TECR: variants seen among roughly 807,000 people sequenced by gnomAD.
TECR encodes trans-2,3-enoyl-CoA reductase.
In TECR, 19 loss-of-function variants were observed where a neutral mutation model predicts 50.6. The ratio of observed to expected loss-of-function variants is 0.38; its 90% CI spans 0.26 to 0.55. The LOEUF (loss-of-function observed/expected upper bound fraction) is 0.55. TECR is among the 20% of genes least tolerant of loss of function. The pLI, the probability that TECR is intolerant of heterozygous loss-of-function variation, is 0.79. For synonymous variants in TECR, 168 were observed against 163.5 expected (o/e 1.03, Z -0.21); for missense variants, 313 against 408.3 (o/e 0.77, Z 2.01).
At chr19:14,548,284 A>G (rs2073373863) in intron 1 of TECR, among the ~76,000 whole-genome samples, 1 of 151,932 alleles carries the variant, frequency 6.6e-6, no homozygotes, top group African/African-American at 2.4e-5. Flanking sequence ...CAAACTTTAC[A>G]TGTCCAAAAT....
chr19:14,541,911 T>G (rs1366739316), intron 1 of TECR, among the ~76,000 whole-genome samples: 5 of 152,026 alleles, frequency 3.3e-5, no homozygotes, highest in Non-Finnish European at 7.3e-5. Context: ...GCCTCCCGAT[T>G]GGCTGGGATT....
rs557404496 is a variant in TECR at position 14,541,798 on chromosome 19, T to C, written c.15+12087T>C. ...ACTTCTTTTCATTTTTTTTTTTTTT[T>C]TGAGATGGAGTTTCACTCTTGTCAC... On this transcript the variant is annotated intron_variant, in intron 1 of 12. Coordinates refer to ENST00000215567, the MANE Select transcript of TECR (RefSeq NM_138501.6). Among the ~76,000 whole-genome samples, 83 of 151,980 alleles carry C rather than the reference T, an allele frequency of 5.5e-4. 1 individual carries two copies. The East Asian group carries it at 0.01, about 19-fold the overall frequency.
At chr19:14,546,740 C>T (rs545527339) in intron 1 of TECR, among the ~76,000 whole-genome samples, 51 of 151,990 alleles carry the variant, frequency 3.4e-4, no homozygotes, top group African/African-American at 3.4e-4. Flanking sequence ...GCTGGAGTGC[C>T]GTGTCGCGAT....
At chr19:14,529,299 AC>A, upstream of TECR, 1 of 387,074 alleles carries the variant, frequency 2.6e-6, no homozygotes, top group East Asian at 5.6e-5. Flanking sequence ...GTCTGGCCTA[AC>A]CGTCGCTTAC....
At chr19:14,531,657 G>A (rs1457682624) in intron 1 of TECR, 1 of 152,102 alleles carries the variant, frequency 6.6e-6, no homozygotes. Context: ...CCCGACCTCA[G>A]GTGATCCACC....
chr19:14,555,351 C>T (rs543549149), intron 1 of TECR, among the ~76,000 whole-genome samples: 2 of 150,016 alleles, frequency 1.3e-5, no homozygotes, highest in African/African-American at 2.4e-5. Flanking sequence ...TGGGTTCAAG[C>T]GATTCTCCTG....
At chr19:14,532,638 A>G (rs1044276968) in intron 1 of TECR, 4 of 151,962 alleles carry the variant, frequency 2.6e-5, no homozygotes, top group African/African-American at 9.7e-5. Context: ...CCAAGTACCC[A>G]TAGAGGCGAT....
chr19:14,529,728 AGG>A lies in TECR; in HGVS notation c.15+20_15+21del. 1 of 1,613,954 alleles carries A rather than the reference AGG, an allele frequency of 6.2e-7. No individual in the cohort carries two copies. Among genetic ancestry groups the A allele is most frequent in the Non-Finnish European group, 8.5e-7 (1 of 1,179,924 alleles). ...CATTACGAGGTAAGAAGCGAGAAAC[AGG>A]GGCCGTGTGGCCACTGCTGACCCAT... is the stretch of plus-strand genomic sequence containing the variant. On this transcript the variant is annotated intron_variant, in intron 1 of 12. Coordinates refer to ENST00000215567, the MANE Select transcript of TECR (RefSeq NM_138501.6).
At chr19:14,549,201 T>C (rs1483105302) in intron 1 of TECR, among the ~76,000 whole-genome samples, 3 of 150,278 alleles carry the variant, frequency 2.0e-5, no homozygotes, top group Non-Finnish European at 4.4e-5. Flanking sequence ...TTCCACAACC[T>C]TTAATTGGAC....
rs2074069999 is a variant in TECR at position 14,565,924 on chromosome 19, G to A, written c.*53G>A. 1 of 1,545,966 alleles carries A rather than the reference G, an allele frequency of 6.5e-7. No individual in the cohort carries two copies. The highest frequency in any genetic ancestry group is 1.2e-5 in the South Asian group (1 of 85,128). ...CTCAACCCGGTGGCATTCTGGGGGA[G>A]GAGTGGGGCCCACAGCTCTCCAGCA... On this transcript the variant is annotated 3_prime_UTR_variant, in exon 13 of 13. Transcript: ENST00000215567.
intron 1 of TECR, among the ~76,000 whole-genome samples, chr19:14,561,535 G>T (rs1485234677): frequency 6.6e-6 from 1 of 152,148 alleles, no homozygotes; most frequent in African/African-American, 2.4e-5. Context: ...CCTGGCTCTT[G>T]GACGCAGGAA....
intron 7 of TECR, 179 bp from the exon 8 acceptor site, chr19:14,564,607 G>T: frequency 5.8e-6 from 1 of 172,274 alleles, no homozygotes; most frequent in Admixed American, 5.9e-5. Flanking sequence ...TGTCCACCAC[G>T]CCCTCACAGA....
chr19:14,542,643 T>C (rs1176292994), intron 1 of TECR, among the ~76,000 whole-genome samples: 7 of 152,132 alleles, frequency 4.6e-5, no homozygotes, highest in Non-Finnish European at 8.8e-5. Context: ...ATTAGAGGCA[T>C]TGAGGCACTG....
chr19:14,535,525 AAAAAAAAAAAAAAAAAAAATATATATAT>A (rs2072836908), intron 1 of TECR, among the ~76,000 whole-genome samples: 4 of 60,330 alleles, frequency 6.6e-5, no homozygotes, highest in Non-Finnish European at 1.2e-4. Context: ...AAAAAAAAAA[AAAAAAAAAAAAAAAAAAAATATATATAT>A]ATATATATAT....
chr19:14,529,627 G>C lies in TECR; in HGVS notation c.-70G>C, dbSNP rs35149836. The C allele has an allele frequency of 1.3e-5, 21 of 1,612,088 alleles. No homozygotes were observed. Among genetic ancestry groups the C allele is most frequent in the Non-Finnish European group, 1.8e-5 (21 of 1,178,544 alleles). ...TATCGCTGCGGTTGCGAGCGCTGTAGGGAGCCTGTGCTGTGCCGCGCAGTT... is the reference window on the plus strand; with the variant it reads ...TATCGCTGCGGTTGCGAGCGCTGTACGGAGCCTGTGCTGTGCCGCGCAGTT... On this transcript the variant is annotated 5_prime_UTR_variant, in exon 1 of 13. Transcript: ENST00000215567.
intron 1 of TECR, among the ~76,000 whole-genome samples, chr19:14,553,822 G>A (rs1042136371): frequency 3.3e-5 from 5 of 152,142 alleles, no homozygotes; most frequent in East Asian, 3.9e-4. Context: ...GTGCAGCAGC[G>A]CTTGTGCCCG....
At chr19:14,532,688 G>C (rs1389921726) in intron 1 of TECR, among the ~76,000 whole-genome samples, 2 of 152,122 alleles carry the variant, frequency 1.3e-5, no homozygotes, top group Middle Eastern at 3.4e-3. Flanking sequence ...GTTGTTTCCC[G>C]GCCCAGCGGA....
chr19:14,551,979 C>CT (rs754053975), intron 1 of TECR, among the ~76,000 whole-genome samples: 2,453 of 89,686 alleles, frequency 0.027, 51 homozygotes, highest in East Asian at 0.11. Flanking sequence ...CTCTTTCTCT[C>CT]TTTTTTTTTT....
intron 1 of TECR, among the ~76,000 whole-genome samples, chr19:14,560,743 C>T (rs191855299): frequency 1.3e-5 from 2 of 152,352 alleles, no homozygotes; most frequent in Admixed American, 6.5e-5. Context: ...TCCCACCCTC[C>T]TGTCCAGGAA....
Sources: gnomAD v4.1 joint callset for allele counts (sites outside exome capture counted in the v4.1 genomes callset) on GRCh38, gnomAD v4.1.1 for gene constraint, MANE v1.5 for transcripts, NCBI Gene and HGNC (gene_info 2026-07-23, HGNC 2026-07-21) for gene names.